USP12: variants seen among roughly 807,000 people sequenced by gnomAD.
The protein encoded by USP12 is ubiquitin carboxyl-terminal hydrolase 12.
USP12 carries 19 observed loss-of-function variants against 45.5 expected under a neutral mutation model. That is an observed-to-expected ratio of 0.42 (90% CI 0.29 to 0.61). The LOEUF (loss-of-function observed/expected upper bound fraction) is 0.61, where lower values mean the gene tolerates loss of function less well. Ranked by LOEUF, USP12 falls within the 20% of genes least tolerant of loss-of-function variation. The pLI, the probability that USP12 is intolerant of heterozygous loss-of-function variation, is 0.22. For synonymous variants in USP12, 149 were observed against 148.8 expected (o/e 1.00, Z -0.01); for missense variants, 242 against 447.7 (o/e 0.54, Z 4.15).
At chr13:27,069,801 G>A (rs957241478) in intron 8 of USP12, among the ~76,000 whole-genome samples, 2 of 152,152 alleles carry the variant, frequency 1.3e-5, no homozygotes, top group African/African-American at 4.8e-5. Context: ...TACAAAATTA[G>A]CTAGGCGTGT....
chr13:27,170,611 T>A (rs1421534989), intron 1 of USP12, among the ~76,000 whole-genome samples: 1 of 152,160 alleles, frequency 6.6e-6, no homozygotes, highest in East Asian at 1.9e-4. Context: ...AAACACCAAG[T>A]TTTAAACGCG....
Position 27,169,804 on chromosome 13 carries a change from C to CA in USP12, c.48+1787dup, listed in dbSNP as rs1022572982. On this transcript the variant is annotated intron_variant, in intron 1 of 8. Transcript: ENST00000282344. The stretch of plus-strand genomic sequence containing the variant: ...AGCAAGAATGTAAACACCAAGAAAA[C>CA]AGGGGCTGCCCTGACCAATACTGCA... Among the ~76,000 whole-genome samples, 23 of 152,302 alleles carry CA rather than the reference C, an allele frequency of 1.5e-4. 1 individual carries two copies. The highest frequency in any genetic ancestry group is 5.5e-4 in the African/African-American group (23 of 41,548).
At chr13:27,126,903 G>A (rs1005846758) in intron 1 of USP12, among the ~76,000 whole-genome samples, 4 of 152,184 alleles carry the variant, frequency 2.6e-5, no homozygotes, top group Admixed American at 2.6e-4. Context: ...TGGCACAACA[G>A]GCACAAAGCA....
chr13:27,077,868 G>C (rs1392437443), intron 6 of USP12: 1 of 152,042 alleles, frequency 6.6e-6, no homozygotes, highest in Non-Finnish European at 1.5e-5. Context: ...TGTGGGGAGG[G>C]AGGTTACATT....
intron 1 of USP12, among the ~76,000 whole-genome samples, chr13:27,124,245 A>C (rs1190523070): frequency 6.6e-6 from 1 of 152,260 alleles, no homozygotes; most frequent in African/African-American, 2.4e-5. Context: ...TCTGGAATTA[A>C]TGTAATTCCT....
At chr13:27,160,164 A>G (rs1471681784) in intron 1 of USP12, among the ~76,000 whole-genome samples, 2 of 152,210 alleles carry the variant, frequency 1.3e-5, no homozygotes, top group Non-Finnish European at 2.9e-5. Flanking sequence ...AGAACAAAAA[A>G]AGGTGACAGA....
intron 1 of USP12, among the ~76,000 whole-genome samples, chr13:27,150,983 C>T (rs184204395): frequency 3.4e-4 from 51 of 152,098 alleles, no homozygotes; most frequent in African/African-American, 9.9e-4. Flanking sequence ...AGGATTGACA[C>T]AGGATTTGGC....
intron 7 of USP12, among the ~76,000 whole-genome samples, chr13:27,071,753 C>A (rs1379446566): frequency 6.6e-6 from 1 of 152,146 alleles, no homozygotes; most frequent in East Asian, 1.9e-4. Flanking sequence ...ATTGCCCCTG[C>A]ATCTCATTTC....
In USP12 at chr13:27,122,853, G is replaced by C. The variant is rs377298353; in HGVS notation, c.49-6257C>G. Among the ~76,000 whole-genome samples the C allele has an allele frequency of 2.8e-4, 42 of 152,102 alleles. No homozygotes were observed. The East Asian group carries it at 7.7e-3, about 28-fold the overall frequency. ...TCATGTCTGTAATCCCAGCACTTTG[G>C]GAGGCCGAGGCAGGCAGATCAAGAG... On this transcript the variant is annotated intron_variant, in intron 1 of 8. Coordinates refer to ENST00000282344, the MANE Select transcript of USP12 (RefSeq NM_182488.4).
intron 1 of USP12, chr13:27,169,167 A>G (rs1878474932): frequency 6.6e-6 from 1 of 152,254 alleles, no homozygotes; most frequent in South Asian, 2.1e-4. Flanking sequence ...GTTCAAAGAA[A>G]AATTTACTGC....
intron 3 of USP12, among the ~76,000 whole-genome samples, chr13:27,100,078 C>T (rs924366078): frequency 6.6e-6 from 1 of 152,188 alleles, no homozygotes; most frequent in Non-Finnish European, 1.5e-5. Context: ...AAAATCTTCT[C>T]AGCAGTCCAC....
At chr13:27,070,189 T>C (rs1873178830) in intron 8 of USP12, among the ~76,000 whole-genome samples, 1 of 152,212 alleles carries the variant, frequency 6.6e-6, no homozygotes, top group Non-Finnish European at 1.5e-5. Context: ...AATGAGTGAA[T>C]AAAGTCTGAC....
intron 3 of USP12, among the ~76,000 whole-genome samples, chr13:27,099,012 T>C (rs1350227773): frequency 6.6e-6 from 1 of 152,152 alleles, no homozygotes; most frequent in Non-Finnish European, 1.5e-5. Context: ...GGGGGGCAGA[T>C]CACCTGAGGT....
At chr13:27,109,672 C>T (rs1565992756) in intron 2 of USP12, among the ~76,000 whole-genome samples, 1 of 152,006 alleles carries the variant, frequency 6.6e-6, no homozygotes, top group Non-Finnish European at 1.5e-5. Context: ...AATCCCAGCA[C>T]TTTGGGAGGC....
chr13:27,126,870 TAGA>T (rs1321949764), intron 1 of USP12, among the ~76,000 whole-genome samples: 3 of 152,232 alleles, frequency 2.0e-5, no homozygotes, highest in East Asian at 3.8e-4. Flanking sequence ...GAAAAATGTA[TAGA>T]AGATGTTCAG....
chr13:27,122,400 G>A lies in USP12; in HGVS notation c.49-5804C>T, dbSNP rs568846648. On this transcript the variant is annotated intron_variant, in intron 1 of 8. Coordinates refer to ENST00000282344, the MANE Select transcript of USP12 (RefSeq NM_182488.4). ...GAGCCCTCCCCAGCCATGTGGAACT[G>A]TAAGTCCAACTAAAACTCTTTTTCT... is the stretch of plus-strand genomic sequence containing the variant. Among the ~76,000 whole-genome samples, 5 of 152,286 alleles carry A rather than the reference G, an allele frequency of 3.3e-5. No individual in the cohort carries two copies. The East Asian group carries it at 9.6e-4, about 29-fold the overall frequency.
chr13:27,162,863 TTGAA>T (rs1325139325), intron 1 of USP12: 3 of 152,206 alleles, frequency 2.0e-5, no homozygotes, highest in Non-Finnish European at 4.4e-5. Flanking sequence ...CCCTCAGAGT[TTGAA>T]TGGTAACGTT....
At chr13:27,163,768 TAAA>T (rs34384911) in intron 1 of USP12, among the ~76,000 whole-genome samples, 8 of 83,304 alleles carry the variant, frequency 9.6e-5, no homozygotes, top group Admixed American at 2.8e-4. Context: ...AGACCTGTCT[TAAA>T]AAAAAAAAAA....
chr13:27,119,674 T>A (rs972092684), intron 1 of USP12, among the ~76,000 whole-genome samples: 1 of 152,220 alleles, frequency 6.6e-6, no homozygotes, highest in Non-Finnish European at 1.5e-5. Context: ...TCTGAAGACA[T>A]TACTGTTTTA....
Sources: allele counts gnomAD v4.1 joint callset (sites outside exome capture counted in the v4.1 genomes callset), GRCh38; gene constraint gnomAD v4.1.1; transcripts MANE v1.5; gene names NCBI Gene and HGNC (gene_info 2026-07-23, HGNC 2026-07-21).